LRRN3: variants seen among roughly 807,000 people sequenced by gnomAD.
LRRN3 encodes leucine rich repeat neuronal 3.
In LRRN3, 15 loss-of-function variants were observed where a neutral mutation model predicts 40.1. That is an observed-to-expected ratio of 0.37 (90% CI 0.25 to 0.58). LRRN3 has a LOEUF of 0.58. Ranked by LOEUF, LRRN3 falls within the 20% of genes least tolerant of loss-of-function variation. The pLI, the probability that LRRN3 is intolerant of heterozygous loss-of-function variation, is 0.72. For missense variants in LRRN3, 746 were observed against 837.7 expected (o/e 0.89, Z 1.35); for synonymous variants, 308 against 297.2 (o/e 1.04, Z -0.37).
In LRRN3 at chr7:111,123,387, C is replaced by T. The variant is rs780437672; in HGVS notation, c.615C>T (p.Asp205=). Residue 205 remains aspartate, a synonymous_variant, in exon 3 of 3, where the codon GAC becomes GAT. Transcript: ENST00000308478. The surrounding 1 kb of genome is among the most constrained non-coding windows in gnomAD (Gnocchi z 6.4). ...IGENPIIRIK[D]MNFKPLINLR... ...AAAATCCAATTATCAGAATCAAAGA[C>T]ATGAACTTTAAGCCTCTTATCAATC... is the stretch of plus-strand genomic sequence containing the variant. The T allele has an allele frequency of 1.9e-6, 3 of 1,613,746 alleles. No homozygotes were observed. The highest frequency in any genetic ancestry group is 4.5e-5 in the East Asian group (2 of 44,848).
At chr7:111,093,496 T>C (rs1364948939) in intron 1 of LRRN3, among the ~76,000 whole-genome samples, 1 of 152,150 alleles carries the variant, frequency 6.6e-6, no homozygotes, top group Non-Finnish European at 1.5e-5. Flanking sequence ...TTAATTCAGT[T>C]TTTCTTAGAC....
intron 2 of LRRN3, among the ~76,000 whole-genome samples, chr7:111,112,036 C>T (rs562190425): frequency 1.4e-5 from 2 of 147,776 alleles, no homozygotes; most frequent in East Asian, 4.0e-4. Context: ...CAACCTCTGC[C>T]TCCTGGGTTC....
At chr7:111,114,017 T>C (rs1383837500) in intron 2 of LRRN3, among the ~76,000 whole-genome samples, 2 of 152,138 alleles carry the variant, frequency 1.3e-5, no homozygotes, top group Non-Finnish European at 2.9e-5. Context: ...TAAATATCTA[T>C]TGATAGAAAT....
At chr7:111,094,963 C>G (rs1797252467) in intron 1 of LRRN3, among the ~76,000 whole-genome samples, 1 of 152,016 alleles carries the variant, frequency 6.6e-6, no homozygotes, top group African/African-American at 2.4e-5. Flanking sequence ...GACTTAATGT[C>G]CATCTCAAAT....
chr7:111,121,730 G>A (rs1800647644), intron 2 of LRRN3, among the ~76,000 whole-genome samples: 1 of 152,132 alleles, frequency 6.6e-6, no homozygotes, highest in South Asian at 2.1e-4. Context: ...CCATTACTGG[G>A]TATATACCCA....
At chr7:111,112,955 G>A (rs774657121) in intron 2 of LRRN3, among the ~76,000 whole-genome samples, 9 of 151,980 alleles carry the variant, frequency 5.9e-5, no homozygotes, top group South Asian at 2.1e-4. Context: ...TTCTTTCAAC[G>A]TATGTTTTAT....
intron 2 of LRRN3, among the ~76,000 whole-genome samples, chr7:111,119,142 C>T (rs568085878): frequency 9.9e-4 from 150 of 152,228 alleles, no homozygotes; most frequent in African/African-American, 3.5e-3. Flanking sequence ...GCAGACCTAA[C>T]GAATTAATTG....
At chr7:111,112,353 A>C (rs1563255311) in intron 2 of LRRN3, among the ~76,000 whole-genome samples, 1 of 152,188 alleles carries the variant, frequency 6.6e-6, no homozygotes, top group Non-Finnish European at 1.5e-5. Flanking sequence ...AGCATACATC[A>C]AGAACTTTAA....
At chr7:111,098,737 G>A (rs1051244951) in intron 1 of LRRN3, among the ~76,000 whole-genome samples, 2 of 151,678 alleles carry the variant, frequency 1.3e-5, no homozygotes, top group Non-Finnish European at 3.0e-5. Flanking sequence ...TGAAAAATAA[G>A]GCTTAGAGAA....
chr7:111,111,173 C>T (rs1799146989), intron 2 of LRRN3, among the ~76,000 whole-genome samples: 1 of 151,936 alleles, frequency 6.6e-6, no homozygotes, highest in African/African-American at 2.4e-5. Flanking sequence ...ATTTATAACC[C>T]TGTTTTGAAA....
intron 2 of LRRN3, among the ~76,000 whole-genome samples, chr7:111,110,362 T>A (rs1052004803): frequency 7.2e-5 from 11 of 152,218 alleles, no homozygotes; most frequent in Non-Finnish European, 1.3e-4. Flanking sequence ...CAAAGTTTAA[T>A]TATGCTTCTC....
At chr7:111,112,496 C>T (rs1019312480) in intron 2 of LRRN3, among the ~76,000 whole-genome samples, 4 of 152,128 alleles carry the variant, frequency 2.6e-5, no homozygotes, top group Non-Finnish European at 5.9e-5. Context: ...CACAAACATG[C>T]ACACAGCCAT....
intron 2 of LRRN3, among the ~76,000 whole-genome samples, chr7:111,119,947 G>A (rs1193254678): frequency 6.6e-6 from 1 of 152,094 alleles, no homozygotes; most frequent in Non-Finnish European, 1.5e-5. Flanking sequence ...CTTCCCAGAG[G>A]GGAGATTCTT....
intron 1 of LRRN3, among the ~76,000 whole-genome samples, chr7:111,093,286 A>G (rs1797057179): frequency 6.6e-6 from 1 of 152,120 alleles, no homozygotes; most frequent in Non-Finnish European, 1.5e-5. Flanking sequence ...GCAATCTATA[A>G]AAAAAACCAA....
At chr7:111,095,829 T>A (rs2129578732) in intron 1 of LRRN3, among the ~76,000 whole-genome samples, 1 of 152,094 alleles carries the variant, frequency 6.6e-6, no homozygotes, top group African/African-American at 2.4e-5. Context: ...GGATCCATGC[T>A]TTGCTTATAC....
At chr7:111,107,374 A>C (rs1798667859) in intron 2 of LRRN3, among the ~76,000 whole-genome samples, 1 of 152,090 alleles carries the variant, frequency 6.6e-6, no homozygotes, top group Admixed American at 6.6e-5. Context: ...TAAACAGTTT[A>C]GATTCAACTG....
At position 111,124,677 on chromosome 7, in the gene LRRN3, C is replaced by A; in HGVS notation, c.1905C>A (p.Gly635=). 6.2e-7 allele frequency: 1 copy of A among 1,613,728 alleles called. No homozygotes were observed. The highest frequency in any genetic ancestry group is 8.5e-7 in the Non-Finnish European group (1 of 1,179,840). ...NTTTLMACLG[G]LLGIIGVICL... ...CAACACTTATGGCCTGTCTTGGAGG[C>A]CTTCTGGGGATTATTGGTGTGATAT... The change falls in exon 3 of 3, where the codon GGC becomes GGA. Residue 635 remains glycine (G), a synonymous_variant. Coordinates refer to ENST00000308478, the MANE Select transcript of LRRN3 (RefSeq NM_001099658.2).
chr7:111,124,160 A>T lies in LRRN3; in HGVS notation c.1388A>T (p.Lys463Ile), dbSNP rs1468050732. 1 of 1,613,812 alleles carries T rather than the reference A, an allele frequency of 6.2e-7. No homozygotes were observed. Among genetic ancestry groups the T allele is most frequent in the Non-Finnish European group, 8.5e-7 (1 of 1,179,984 alleles). The change falls in exon 3 of 3, where the codon AAA becomes ATA. Residue 463 changes from lysine (K) to isoleucine (I), a missense_variant. Lys to Ile is a moderately radical substitution (Grantham distance 102). Transcript: ENST00000308478. Reference sequence around the variant, plus strand: ...TACTGGATAACACCTTCTGGTCAAAAACTCTTGCCTAATACCCTGACAGAC... The same window carrying T: ...TACTGGATAACACCTTCTGGTCAAATACTCTTGCCTAATACCCTGACAGAC... The part of the protein sequence containing the change: ...EIYWITPSGQ[K>I]LLPNTLTDKF...
chr7:111,122,715 C>A lies in LRRN3; in HGVS notation c.-58C>A. The A allele has an allele frequency of 1.5e-6, 2 of 1,356,090 alleles. No homozygotes were observed. Among genetic ancestry groups the A allele is most frequent in the South Asian group, 1.3e-5 (1 of 75,600 alleles). The allele number at this position is 1,356,090 out of a possible 1,614,324, so 84.0% of individuals were successfully genotyped here. ...TATCAATCAGCTCCTATTGAACTTA[C>A]TAGCACTGACTGTGGAATCCTTAAG... On this transcript the variant is annotated 5_prime_UTR_variant, in exon 3 of 3. Coordinates refer to ENST00000308478, the MANE Select transcript of LRRN3 (RefSeq NM_001099658.2).
Sources: gnomAD v4.1 joint callset for allele counts (sites outside exome capture counted in the v4.1 genomes callset) on GRCh38, gnomAD v4.1.1 for gene constraint, Gnocchi (gnomAD v3.1) non-coding constraint, MANE v1.5 for transcripts, NCBI Gene and HGNC (gene_info 2026-07-23, HGNC 2026-07-21) for gene names.